Variants in TAFA2 observed in about 807,000 individuals in gnomAD.
The protein encoded by TAFA2 is chemokine-like protein TAFA-2.
Under a neutral mutation model 18.8 loss-of-function variants are expected in TAFA2, and 7 were observed. The observed-to-expected ratio is 0.37, with a 90% CI of 0.21 to 0.70. The LOEUF is 0.70. Ranked by LOEUF, TAFA2 falls within the 30% of genes least tolerant of loss-of-function variation. The pLI, the probability that TAFA2 is intolerant of heterozygous loss-of-function variation, is 0.53. For synonymous variants in TAFA2, 60 were observed against 54.2 expected (o/e 1.11, Z -0.47); for missense variants, 122 against 158.1 (o/e 0.77, Z 1.23).
At chr12:61,743,836 G>C (rs936286567) in intron 4 of TAFA2, among the ~76,000 whole-genome samples, 1 of 152,092 alleles carries the variant, frequency 6.6e-6, no homozygotes, top group Non-Finnish European at 1.5e-5. Flanking sequence ...ACACAGGAGG[G>C]AAAGAGCCAT....
At chr12:61,727,998 T>G (rs1476724389) in intron 4 of TAFA2, among the ~76,000 whole-genome samples, 1 of 151,524 alleles carries the variant, frequency 6.6e-6, no homozygotes, top group Non-Finnish European at 1.5e-5. Flanking sequence ...AGCGGATTAC[T>G]TAATTTCCAT....
In TAFA2 at chr12:62,004,726, C is replaced by T. The variant is rs529367836; in HGVS notation, c.-1-137300G>A. On this transcript the variant is annotated intron_variant, in intron 1 of 4. Transcript: ENST00000416284. The stretch of plus-strand genomic sequence containing the variant: ...AATGAGTATCATATAGATATCAGTG[C>T]TCCCATATTCATTGCAGCATTATTC... 8.6e-4 allele frequency among the ~76,000 whole-genome samples: 131 copies of T among 152,160 alleles called. 1 individual carries two copies. In the Middle Eastern group the frequency reaches 0.014, roughly 16 times the overall value.
chr12:61,879,384 C>A (rs544089478), intron 1 of TAFA2: 2 of 752,530 alleles, frequency 2.7e-6, no homozygotes, highest in Non-Finnish European at 4.5e-6. Context: ...CTTCAGCAGC[C>A]GCTTCCTACA....
intron 1 of TAFA2, among the ~76,000 whole-genome samples, chr12:62,041,850 G>T (rs928885774): frequency 6.6e-6 from 1 of 151,942 alleles, no homozygotes; most frequent in Non-Finnish European, 1.5e-5. Context: ...TTTTTTCAAA[G>T]ATTATCCTAC....
At chr12:62,229,910 C>T (rs2062804874) in intron 1 of TAFA2, among the ~76,000 whole-genome samples, 1 of 151,746 alleles carries the variant, frequency 6.6e-6, no homozygotes, top group Non-Finnish European at 1.5e-5. Context: ...TTTCATTATT[C>T]ATTACTGGTG....
At chr12:61,921,613 A>G (rs77719910) in intron 1 of TAFA2, among the ~76,000 whole-genome samples, 6,939 of 152,114 alleles carry the variant, frequency 0.046, 198 homozygotes, top group Middle Eastern at 0.13. Context: ...CAAGATTTCC[A>G]TTTTGTACAC....
At chr12:61,735,494 T>C (rs963370552) in intron 4 of TAFA2, among the ~76,000 whole-genome samples, 2 of 152,110 alleles carry the variant, frequency 1.3e-5, no homozygotes, top group East Asian at 3.9e-4. Context: ...GTGATTAGCA[T>C]ATTCATCATT....
Position 62,185,676 on chromosome 12 carries a change from T to C in TAFA2, c.-2+5583A>G, listed in dbSNP as rs368783699. Among the ~76,000 whole-genome samples, 4 of 152,198 alleles carry C rather than the reference T, an allele frequency of 2.6e-5. No homozygotes were observed. In the East Asian group the frequency reaches 7.7e-4, roughly 29 times the overall value. On this transcript the variant is annotated intron_variant, in intron 1 of 4. Transcript: ENST00000416284. ...GTGCCTCTGTGAAATTAGAACTGTCTATAAGCTAGTAATGATAAAAATATA... is the reference window on the plus strand; with the variant it reads ...GTGCCTCTGTGAAATTAGAACTGTCCATAAGCTAGTAATGATAAAAATATA...
chr12:62,257,090 A>C lies in TAFA2; in HGVS notation c.-130+1673T>G, dbSNP rs536362469. Among the ~76,000 whole-genome samples the C allele has an allele frequency of 6.7e-5, 10 of 148,836 alleles. No individual in the cohort carries two copies. In the South Asian group the frequency reaches 2.1e-3, roughly 32 times the overall value. On this transcript the variant is annotated intron_variant, in intron 1 of 5. Coordinates refer to the TAFA2 transcript ENST00000551619. Reference sequence around the variant, plus strand: ...GAGAAATAAAGACAGCCAGTCATCAAACACTGTTCTTTTATGGGATGTGCT... The same window carrying C: ...GAGAAATAAAGACAGCCAGTCATCACACACTGTTCTTTTATGGGATGTGCT...
intron 1 of TAFA2, among the ~76,000 whole-genome samples, chr12:62,011,766 A>AAAAAAAAAAAAAG (rs1565715431): frequency 6.7e-6 from 1 of 148,454 alleles, no homozygotes. Context: ...AAAAAAAAAA[A>AAAAAAAAAAAAAG]AAAGAAAAGA....
At chr12:62,247,186 A>G (rs2062890810) in intron 1 of TAFA2, among the ~76,000 whole-genome samples, 1 of 151,854 alleles carries the variant, frequency 6.6e-6, no homozygotes, top group South Asian at 2.1e-4. Flanking sequence ...TTAATCAGTG[A>G]CCCTTAAATT....
At chr12:62,182,067 G>A (rs1345238507) in intron 1 of TAFA2, among the ~76,000 whole-genome samples, 1 of 148,678 alleles carries the variant, frequency 6.7e-6, no homozygotes, top group Non-Finnish European at 1.5e-5. Context: ...TGACATCTAA[G>A]CCCTAAAAGG....
chr12:61,896,092 A>G (rs1650277141), intron 1 of TAFA2, among the ~76,000 whole-genome samples: 1 of 152,132 alleles, frequency 6.6e-6, no homozygotes, highest in Admixed American at 6.5e-5. Flanking sequence ...GAGAAAAGGA[A>G]TACAACTACC....
At chr12:61,993,032 C>T (rs1190000357) in intron 1 of TAFA2, among the ~76,000 whole-genome samples, 1 of 152,164 alleles carries the variant, frequency 6.6e-6, no homozygotes, top group Non-Finnish European at 1.5e-5. Context: ...AGGAAGATTA[C>T]ATTTCATGTC....
intron 1 of TAFA2, among the ~76,000 whole-genome samples, chr12:62,244,097 T>C (rs1262618600): frequency 6.6e-6 from 1 of 151,914 alleles, no homozygotes; most frequent in African/African-American, 2.4e-5. Context: ...GCCTTTTTTT[T>C]TTTTTCTATC....
intron 1 of TAFA2, among the ~76,000 whole-genome samples, chr12:62,249,180 T>G (rs2062900128): frequency 6.6e-6 from 1 of 151,758 alleles, no homozygotes. Context: ...CTGGAATTTG[T>G]GATAGAAAGA....
chr12:61,876,901 C>T (rs780884462), intron 1 of TAFA2, among the ~76,000 whole-genome samples: 9 of 152,146 alleles, frequency 5.9e-5, no homozygotes, highest in African/African-American at 1.2e-4. Flanking sequence ...AGCACAGCAA[C>T]GTCACAATGA....
rs559543293 is a variant in TAFA2 at position 62,234,532 on chromosome 12, C to T, written c.-130+24231G>A. 4 of 894,598 alleles carry T rather than the reference C, an allele frequency of 4.5e-6. No individual in the cohort carries two copies. The Admixed American group carries it at 5.2e-5, about 12-fold the overall frequency. 55.4% of individuals were successfully genotyped at this position (894,598 alleles called of 1,614,324 possible). Reference sequence around the variant, plus strand: ...CTGATCACATTTATATGGTCAATGTCTGGTGTGTACCCACGTATGTCATCT... The same window carrying T: ...CTGATCACATTTATATGGTCAATGTTTGGTGTGTACCCACGTATGTCATCT... On this transcript the variant is annotated intron_variant, in intron 1 of 5. Coordinates refer to the TAFA2 transcript ENST00000551619.
At chr12:62,020,601 A>G (rs963124241) in intron 1 of TAFA2, among the ~76,000 whole-genome samples, 1 of 152,230 alleles carries the variant, frequency 6.6e-6, no homozygotes, top group Non-Finnish European at 1.5e-5. Context: ...GAAGGTGAAA[A>G]TTATCTACCT....
Sources: gnomAD v4.1 joint callset for allele counts (sites outside exome capture counted in the v4.1 genomes callset) on GRCh38, gnomAD v4.1.1 for gene constraint, MANE v1.5 for transcripts, NCBI Gene and HGNC (gene_info 2026-07-23, HGNC 2026-07-21) for gene names.